ST18: variants seen among roughly 807,000 people sequenced by gnomAD.
ST18 encodes the protein ST18 C2H2C-type zinc finger transcription factor.
Under a neutral mutation model 110.0 loss-of-function variants are expected in ST18, and 50 were observed. The observed-to-expected ratio is 0.45, with a 90% CI of 0.36 to 0.58. The LOEUF (loss-of-function observed/expected upper bound fraction) is 0.58. Ranked by LOEUF, ST18 falls within the 20% of genes least tolerant of loss-of-function variation. The pLI, the probability that ST18 is intolerant of heterozygous loss-of-function variation, is 0.00. For synonymous variants in ST18, 461 were observed against 452.4 expected (o/e 1.02, Z -0.24); for missense variants, 1,306 against 1,280.1 (o/e 1.02, Z -0.31).
intron 2 of ST18, among the ~76,000 whole-genome samples, chr8:52,307,667 G>A (rs1391812434): frequency 6.6e-6 from 1 of 152,088 alleles, no homozygotes; most frequent in Non-Finnish European, 1.5e-5. Flanking sequence ...TTTTGACATA[G>A]CCCTTTTATT....
At chr8:52,158,382 TG>T (rs1265274382) in intron 15 of ST18, among the ~76,000 whole-genome samples, 1 of 152,230 alleles carries the variant, frequency 6.6e-6, no homozygotes, top group Non-Finnish European at 1.5e-5. Context: ...CATGTGTCTC[TG>T]GAGAATACTG....
Position 52,161,367 on chromosome 8 carries a change from A to C in ST18, c.1594+8T>G. On this transcript the variant is annotated splice_region_variant and intron_variant, in intron 14 of 25. Coordinates refer to ENST00000689386, the MANE Select transcript of ST18 (RefSeq NM_001352837.2). ...TTTGGGGAAACGGCATTAGAGCTCAAAGCTTACATTCAGGAAATGGTGGTG... is the reference window on the plus strand; with the variant it reads ...TTTGGGGAAACGGCATTAGAGCTCACAGCTTACATTCAGGAAATGGTGGTG... 1.2e-6 allele frequency: 2 copies of C among 1,612,210 alleles called. No individual in the cohort carries two copies. Among genetic ancestry groups the C allele is most frequent in the Admixed American group, 3.3e-5 (2 of 59,916 alleles).
chr8:52,373,553 C>T (rs1368438957), intron 2 of ST18, among the ~76,000 whole-genome samples: 1 of 151,940 alleles, frequency 6.6e-6, no homozygotes, highest in Non-Finnish European at 1.5e-5. Context: ...GCAGACTCCA[C>T]ACAAGCCAAT....
At chr8:52,167,334 G>A (rs2063355468) in intron 10 of ST18, among the ~76,000 whole-genome samples, 1 of 152,346 alleles carries the variant, frequency 6.6e-6, no homozygotes, top group South Asian at 2.1e-4. Context: ...TAGTGAGACA[G>A]AATTTATTTA....
intron 2 of ST18, among the ~76,000 whole-genome samples, chr8:52,235,664 AAGCT>A (rs2092537019): frequency 6.6e-6 from 1 of 152,226 alleles, no homozygotes; most frequent in South Asian, 2.1e-4. Flanking sequence ...CATACATGTG[AAGCT>A]TAAAACAGGT....
intron 2 of ST18, among the ~76,000 whole-genome samples, chr8:52,295,005 T>G (rs995762495): frequency 5.3e-5 from 8 of 152,206 alleles, no homozygotes; most frequent in African/African-American, 1.9e-4. Flanking sequence ...GAACTTAGAA[T>G]GAAAATAAAA....
At chr8:52,208,138 T>C (rs1404449231) in intron 8 of ST18, among the ~76,000 whole-genome samples, 1 of 152,248 alleles carries the variant, frequency 6.6e-6, no homozygotes, top group Admixed American at 6.5e-5. Flanking sequence ...AATGTCAGTA[T>C]CAATTTTATT....
chr8:52,130,048 AAAAG>A (rs1205783748), intron 22 of ST18, among the ~76,000 whole-genome samples: 6 of 150,126 alleles, frequency 4.0e-5, no homozygotes, highest in South Asian at 2.1e-4. Flanking sequence ...TCTGTTTCAA[AAAAG>A]AAAGAAAGAA....
At chr8:52,357,120 G>A (rs578235290) in intron 2 of ST18, among the ~76,000 whole-genome samples, 1 of 151,998 alleles carries the variant, frequency 6.6e-6, no homozygotes, top group Non-Finnish European at 1.5e-5. Context: ...TATTTATGGG[G>A]CACATGAGAT....
intron 16 of ST18, among the ~76,000 whole-genome samples, chr8:52,147,923 G>A (rs949812133): frequency 6.6e-6 from 1 of 152,166 alleles, no homozygotes; most frequent in African/African-American, 2.4e-5. Context: ...CATCACAATT[G>A]TGCCTCTTAA....
intron 8 of ST18, among the ~76,000 whole-genome samples, chr8:52,185,043 G>A (rs974981770): frequency 3.9e-5 from 6 of 152,140 alleles, no homozygotes; most frequent in Non-Finnish European, 8.8e-5. Context: ...GTAGAGGTAT[G>A]ATTATGTTTG....
At position 52,136,634 on chromosome 8, in the gene ST18, A is replaced by G. The variant is rs746911526; in HGVS notation, c.2256T>C (p.Asp752=). The change falls in exon 19 of 26, where the codon GAT becomes GAC. Residue 752 remains aspartate (D), a synonymous_variant. Coordinates refer to ENST00000689386, the MANE Select transcript of ST18 (RefSeq NM_001352837.2). ...HRSVSGCPLA[D]KTLKSLMAAN... Reference sequence around the variant, plus strand: ...CAGCCATGAGGGATTTTAGAGTCTTATCTGCTAAAGGACATCCAGAAACAC... The same window carrying G: ...CAGCCATGAGGGATTTTAGAGTCTTGTCTGCTAAAGGACATCCAGAAACAC... 3 of 1,610,988 alleles carry G rather than the reference A, an allele frequency of 1.9e-6. No individual in the cohort carries two copies. Among genetic ancestry groups the G allele is most frequent in the Non-Finnish European group, 2.5e-6 (3 of 1,178,842 alleles).
intron 2 of ST18, among the ~76,000 whole-genome samples, chr8:52,375,506 G>C (rs1447408653): frequency 2.6e-5 from 4 of 152,006 alleles, no homozygotes; most frequent in Non-Finnish European, 5.9e-5. Context: ...TAGCTTTCAG[G>C]ACAACACACT....
chr8:52,243,892 G>GGA (rs1389104058), intron 2 of ST18, among the ~76,000 whole-genome samples: 8 of 151,660 alleles, frequency 5.3e-5, no homozygotes, highest in South Asian at 2.1e-4. Context: ...GGAGAGAGAG[G>GGA]GAGAGAGAGA....
intron 2 of ST18, among the ~76,000 whole-genome samples, chr8:52,358,508 G>A (rs1022346378): frequency 6.6e-6 from 1 of 151,852 alleles, no homozygotes; most frequent in Non-Finnish European, 1.5e-5. Context: ...ACAAATAAAA[G>A]TGGAACTATT....
chr8:52,159,823 A>G (rs1439677317), intron 14 of ST18, among the ~76,000 whole-genome samples: 2 of 152,230 alleles, frequency 1.3e-5, no homozygotes, highest in Admixed American at 6.5e-5. Context: ...TGTTGTGGGT[A>G]CCAAGGCATT....
intron 8 of ST18, among the ~76,000 whole-genome samples, chr8:52,185,588 T>C (rs879330353): frequency 6.6e-6 from 1 of 152,048 alleles, no homozygotes; most frequent in Non-Finnish European, 1.5e-5. Flanking sequence ...AACAGACCAA[T>C]GGAACAGCAT....
chr8:52,156,210 T>C (rs946722044), intron 15 of ST18, among the ~76,000 whole-genome samples: 5 of 152,234 alleles, frequency 3.3e-5, no homozygotes, highest in Non-Finnish European at 7.3e-5. Flanking sequence ...GCAAAGTCTA[T>C]GACTGACCCT....
chr8:52,143,554 TAAGTG>T (rs2056119073), intron 16 of ST18, among the ~76,000 whole-genome samples: 1 of 152,210 alleles, frequency 6.6e-6, no homozygotes, highest in Admixed American at 6.5e-5. Flanking sequence ...ATCTTTATCC[TAAGTG>T]AAGAATGAAA....
Sources: allele counts gnomAD v4.1 joint callset (sites outside exome capture counted in the v4.1 genomes callset), GRCh38; gene constraint gnomAD v4.1.1; transcripts MANE v1.5; gene names NCBI Gene and HGNC (gene_info 2026-07-23, HGNC 2026-07-21).